ACVR1: variants seen among roughly 807,000 people sequenced by gnomAD.
ACVR1 encodes activin receptor type-1.
A neutral mutation model predicts 57.1 loss-of-function variants in ACVR1; 38 were observed. The ratio of observed to expected loss-of-function variants is 0.67; its 90% CI spans 0.51 to 0.87. The LOEUF (loss-of-function observed/expected upper bound fraction) is 0.87, where lower values mean the gene tolerates loss of function less well. Ranked by LOEUF, ACVR1 falls within the 40% of genes least tolerant of loss-of-function variation. ACVR1 has a pLI of 0.00. For missense variants in ACVR1, 463 were observed against 638.2 expected (o/e 0.73, Z 2.96); for synonymous variants, 212 against 228.1 (o/e 0.93, Z 0.63).
intron 2 of ACVR1, among the ~76,000 whole-genome samples, chr2:157,804,326 T>A (rs962593092): frequency 2.6e-5 from 4 of 152,186 alleles, no homozygotes; most frequent in Non-Finnish European, 4.4e-5. Flanking sequence ...CTCTCTAACA[T>A]CACAGACGTC....
chr2:157,736,982 T>C lies in ACVR1; in HGVS notation c.*549A>G, dbSNP rs879007609. The C allele has an allele frequency of 6.8e-6, 2 of 294,362 alleles. No homozygotes were observed. The allele number at this position is 294,362 out of a possible 1,614,324, so 18.2% of individuals were successfully genotyped here. A position where few individuals can be genotyped will look rare whatever the true frequency, so the allele number is the denominator to read the frequency against. ...TGCAGCAAAGTCTGACATTACATTTTGTTTTGCCAAATTGAATTCCTATTA... is the reference window on the plus strand; with the variant it reads ...TGCAGCAAAGTCTGACATTACATTTCGTTTTGCCAAATTGAATTCCTATTA... On this transcript the variant is annotated 3_prime_UTR_variant, in exon 11 of 11. Transcript: ENST00000434821.
At chr2:157,777,356 T>C (rs1328971213) in intron 5 of ACVR1, among the ~76,000 whole-genome samples, 2 of 152,220 alleles carry the variant, frequency 1.3e-5, no homozygotes, top group African/African-American at 2.4e-5. Context: ...TGAATTGATA[T>C]ATGCTATAGG....
intron 3 of ACVR1, among the ~76,000 whole-genome samples, chr2:157,782,434 G>C (rs534723066): frequency 6.6e-6 from 1 of 152,210 alleles, no homozygotes; most frequent in Admixed American, 6.5e-5. Context: ...ATGAGCAAAA[G>C]TTTTAATGAG....
chr2:157,873,738 G>A (rs1231633632), intron 1 of ACVR1, among the ~76,000 whole-genome samples: 2 of 152,132 alleles, frequency 1.3e-5, no homozygotes, highest in Admixed American at 1.3e-4. Flanking sequence ...CCAATCTAGG[G>A]CAAGATAGAG....
intron 5 of ACVR1, among the ~76,000 whole-genome samples, chr2:157,774,980 T>G (rs1476197327): frequency 2.6e-5 from 4 of 152,212 alleles, no homozygotes; most frequent in Non-Finnish European, 4.4e-5. Flanking sequence ...TCACTTTAGT[T>G]GCCATACCAA....
At chr2:157,770,641 G>C (rs1477602333) in intron 6 of ACVR1, 127 bp from the exon 7 acceptor site, 3 of 975,788 alleles carry the variant, frequency 3.1e-6, no homozygotes, top group Non-Finnish European at 4.8e-6. Context: ...GAGAAACTCA[G>C]CTTGGGAATA....
At chr2:157,848,283 G>A (rs1049576594) in intron 1 of ACVR1, among the ~76,000 whole-genome samples, 8 of 152,102 alleles carry the variant, frequency 5.3e-5, no homozygotes, top group Non-Finnish European at 1.2e-4. Context: ...CAGATCTTAA[G>A]AAACTGGAAG....
intron 3 of ACVR1, among the ~76,000 whole-genome samples, chr2:157,782,927 G>A (rs1425545467): frequency 6.6e-6 from 1 of 152,172 alleles, no homozygotes; most frequent in East Asian, 1.9e-4. Flanking sequence ...TTGGGGATAA[G>A]GGGTTAGCAC....
intron 1 of ACVR1, among the ~76,000 whole-genome samples, chr2:157,822,736 T>G (rs1047181052): frequency 6.6e-6 from 1 of 152,220 alleles, no homozygotes; most frequent in Non-Finnish European, 1.5e-5. Flanking sequence ...GCACACTTGT[T>G]CATTTTAAGT....
intron 9 of ACVR1, among the ~76,000 whole-genome samples, chr2:157,740,404 T>C (rs1442375091): frequency 2.6e-5 from 4 of 152,154 alleles, no homozygotes; most frequent in Admixed American, 2.6e-4. Flanking sequence ...ATCTTTTAAT[T>C]ATTTTCAGTA....
chr2:157,832,988 T>C (rs1470548529), intron 1 of ACVR1, among the ~76,000 whole-genome samples: 1 of 152,238 alleles, frequency 6.6e-6, no homozygotes, highest in Non-Finnish European at 1.5e-5. Flanking sequence ...ATAGCCATTT[T>C]AACACCATTC....
In ACVR1 at chr2:157,838,000, A is replaced by C. The variant is rs1425043567; in HGVS notation, c.-182-19441T>G. Among the ~76,000 whole-genome samples, 5 of 152,264 alleles carry C rather than the reference A, an allele frequency of 3.3e-5. 1 individual carries two copies. The highest frequency in any genetic ancestry group is 1.2e-4 in the African/African-American group (5 of 41,544). ...TTTATTGGCTACTTAGGCAATGCAC[A>C]CACCATTAATGGAGTTTTTATCTCT... On this transcript the variant is annotated intron_variant, in intron 1 of 10. Coordinates refer to ENST00000434821, the MANE Select transcript of ACVR1 (RefSeq NM_001111067.4).
In ACVR1 at chr2:157,824,776, C is replaced by G. The variant is rs541136157; in HGVS notation, c.-182-6217G>C. 7.5e-4 allele frequency among the ~76,000 whole-genome samples: 113 copies of G among 151,380 alleles called. 1 individual carries two copies. In the South Asian group the frequency reaches 0.022, roughly 30 times the overall value. On this transcript the variant is annotated intron_variant, in intron 1 of 10. Coordinates refer to ENST00000434821, the MANE Select transcript of ACVR1 (RefSeq NM_001111067.4). ...TCCTTTCTCTTTTTTTTTTTTGAGA[C>G]AGAGTCTCACTCTCTCAACCAGGCT...
Position 157,779,980 on chromosome 2 carries a change from T to C in ACVR1, c.331+357A>G, listed in dbSNP as rs565359195. Among the ~76,000 whole-genome samples the C allele has an allele frequency of 3.0e-4, 46 of 152,314 alleles. No homozygotes were observed. The South Asian group carries it at 9.1e-3, about 30-fold the overall frequency. The stretch of plus-strand genomic sequence containing the variant: ...TACACACTTGACACAGAGATGAGTA[T>C]TTACTAGCAGAATTGTTTCAGAAAT... On this transcript the variant is annotated intron_variant, in intron 4 of 10. Coordinates refer to ENST00000434821, the MANE Select transcript of ACVR1 (RefSeq NM_001111067.4).
At chr2:157,855,310 A>G (rs868423235) in intron 1 of ACVR1, among the ~76,000 whole-genome samples, 2,404 of 39,984 alleles carry the variant, frequency 0.06, 28 homozygotes, top group East Asian at 0.11. Flanking sequence ...GTGTGTGTGT[A>G]TATATATATA....
chr2:157,762,477 G>A (rs1053217646), intron 8 of ACVR1, among the ~76,000 whole-genome samples: 9 of 152,184 alleles, frequency 5.9e-5, no homozygotes, highest in Non-Finnish European at 8.8e-5. Flanking sequence ...GGGGACTACT[G>A]TATGCCCCTC....
chr2:157,869,362 T>A (rs891988026), intron 1 of ACVR1, among the ~76,000 whole-genome samples: 2 of 152,228 alleles, frequency 1.3e-5, no homozygotes, highest in African/African-American at 4.8e-5. Context: ...TCATCCAGAC[T>A]AGCAACTATT....
chr2:157,792,665 T>C (rs1435892671), intron 3 of ACVR1, among the ~76,000 whole-genome samples: 1 of 152,222 alleles, frequency 6.6e-6, no homozygotes, highest in East Asian at 1.9e-4. Context: ...ATCAACTCAG[T>C]AGTTTAAGAC....
At chr2:157,842,267 T>C (rs1185857656) in intron 1 of ACVR1, among the ~76,000 whole-genome samples, 2 of 152,110 alleles carry the variant, frequency 1.3e-5, no homozygotes, top group Non-Finnish European at 2.9e-5. Flanking sequence ...TGGATGGATC[T>C]CTCTTCCAAC....
Sources: gnomAD v4.1 joint callset for allele counts (sites outside exome capture counted in the v4.1 genomes callset) on GRCh38, gnomAD v4.1.1 for gene constraint, MANE v1.5 for transcripts, NCBI Gene and HGNC (gene_info 2026-07-23, HGNC 2026-07-21) for gene names.